The following GPR39 variants were observed in gnomAD, a reference collection of about 807,000 sequenced individuals.
GPR39 encodes G protein-coupled receptor 39, also known as zinc sensing receptor.
In GPR39, 23 loss-of-function variants were observed where a neutral mutation model predicts 18.4. The observed-to-expected ratio is 1.25, with a 90% CI of 0.90 to 1.77. GPR39 has a LOEUF of 1.77. Ranked by LOEUF, GPR39 falls within the 40% of genes most tolerant of loss-of-function variation. The pLI is 0.00. For missense variants in GPR39, 647 were observed against 602.4 expected (o/e 1.07, Z -0.78); for synonymous variants, 280 against 257.9 (o/e 1.09, Z -0.82).
At chr2:132,484,497 C>T (rs1681294467) in intron 1 of GPR39, among the ~76,000 whole-genome samples, 1 of 152,182 alleles carries the variant, frequency 6.6e-6, no homozygotes, top group Non-Finnish European at 1.5e-5. Context: ...TTAGTTCATA[C>T]AGCCCTGGGA....
chr2:132,571,475 C>T (rs946729087), intron 1 of GPR39, among the ~76,000 whole-genome samples: 1 of 152,082 alleles, frequency 6.6e-6, no homozygotes, highest in Non-Finnish European at 1.5e-5. Context: ...TCTCAAGGTC[C>T]TAGAATGAAG....
At chr2:132,544,410 A>C (rs1679907058) in intron 1 of GPR39, among the ~76,000 whole-genome samples, 1 of 152,232 alleles carries the variant, frequency 6.6e-6, no homozygotes, top group Non-Finnish European at 1.5e-5. Flanking sequence ...CTGATCAATC[A>C]GCCCAGGCCA....
intron 1 of GPR39, among the ~76,000 whole-genome samples, chr2:132,635,236 A>T (rs1002500685): frequency 6.6e-6 from 1 of 152,140 alleles, no homozygotes; most frequent in African/African-American, 2.4e-5. Flanking sequence ...CCTCACCTGG[A>T]ACTCTCTTTC....
At chr2:132,526,492 C>T (rs1437623371) in intron 1 of GPR39, among the ~76,000 whole-genome samples, 1 of 152,190 alleles carries the variant, frequency 6.6e-6, no homozygotes, top group Admixed American at 6.5e-5. Flanking sequence ...CTAGTGGGAT[C>T]TTTTACTTAA....
chr2:132,427,501 A>G (rs1411219082), intron 1 of GPR39, among the ~76,000 whole-genome samples: 1 of 150,336 alleles, frequency 6.7e-6, no homozygotes, highest in Non-Finnish European at 1.5e-5. Context: ...TATATATTAT[A>G]TATGTTATAT....
At chr2:132,600,234 G>A (rs1681015040) in intron 1 of GPR39, among the ~76,000 whole-genome samples, 1 of 152,206 alleles carries the variant, frequency 6.6e-6, no homozygotes, top group Non-Finnish European at 1.5e-5. Context: ...CAAAACCTAT[G>A]GGATACTGCA....
At chr2:132,454,165 G>A (rs1319205903) in intron 1 of GPR39, among the ~76,000 whole-genome samples, 3 of 152,100 alleles carry the variant, frequency 2.0e-5, no homozygotes, top group African/African-American at 7.2e-5. Context: ...GTTGAGCTGT[G>A]CTTTGTAGTT....
At chr2:132,444,695 A>G (rs1185773345) in intron 1 of GPR39, among the ~76,000 whole-genome samples, 1 of 152,228 alleles carries the variant, frequency 6.6e-6, no homozygotes, top group East Asian at 1.9e-4. Context: ...GCTAATGGCC[A>G]GGTAATTGTT....
intron 1 of GPR39, among the ~76,000 whole-genome samples, chr2:132,599,024 G>T (rs185664165): frequency 2.8e-4 from 43 of 152,234 alleles, no homozygotes; most frequent in African/African-American, 9.9e-4. Context: ...GGCAGGAAGG[G>T]GGTGGAGGTG....
intron 1 of GPR39, among the ~76,000 whole-genome samples, chr2:132,634,758 GC>G (rs1414979438): frequency 6.6e-6 from 1 of 152,144 alleles, no homozygotes; most frequent in African/African-American, 2.4e-5. Flanking sequence ...GAGGGGAAGG[GC>G]CCCCCTCAGG....
At chr2:132,457,335 C>T (rs1344962385) in intron 1 of GPR39, among the ~76,000 whole-genome samples, 1 of 152,186 alleles carries the variant, frequency 6.6e-6, no homozygotes, top group African/African-American at 2.4e-5. Flanking sequence ...TCCATCAGTT[C>T]ATTTAAGGTC....
At chr2:132,570,603 T>C (rs4606981) in intron 1 of GPR39, among the ~76,000 whole-genome samples, 51,154 of 152,006 alleles carry the variant, frequency 0.34, 9,999 homozygotes, top group African/African-American at 0.55. Flanking sequence ...ACAAGACACA[T>C]GAAAAGGACA....
chr2:132,438,027 CA>C (rs1680361912), intron 1 of GPR39, among the ~76,000 whole-genome samples: 1 of 152,118 alleles, frequency 6.6e-6, no homozygotes, highest in South Asian at 2.1e-4. Context: ...ACAGTATTGC[CA>C]AAAGTCTGGC....
intron 1 of GPR39, among the ~76,000 whole-genome samples, chr2:132,617,937 C>T (rs1016751992): frequency 1.3e-5 from 2 of 152,184 alleles, no homozygotes; most frequent in Non-Finnish European, 2.9e-5. Flanking sequence ...CAGAGGCCAG[C>T]TCCAAAAGTC....
chr2:132,475,305 T>C (rs58526087), intron 1 of GPR39, among the ~76,000 whole-genome samples: 36,685 of 150,820 alleles, frequency 0.24, 5,741 homozygotes, highest in East Asian at 0.79. Context: ...ATCTAGTATA[T>C]AGTCTACTAC....
chr2:132,602,525 A>G lies in GPR39; in HGVS notation c.857-42576A>G, dbSNP rs550187461. On this transcript the variant is annotated intron_variant, in intron 1 of 1. Coordinates refer to ENST00000329321, the MANE Select transcript of GPR39 (RefSeq NM_001508.3). ...GACTTCAAAAGCACAGACAACAAAA[A>G]ATAGGCAAATGGAACTATATCAAAC... Among the ~76,000 whole-genome samples, 3 of 152,272 alleles carry G rather than the reference A, an allele frequency of 2.0e-5. No homozygotes were observed. In the South Asian group the frequency reaches 6.2e-4, roughly 32 times the overall value.
At chr2:132,527,553 A>G (rs1235473616) in intron 1 of GPR39, among the ~76,000 whole-genome samples, 1 of 152,214 alleles carries the variant, frequency 6.6e-6, no homozygotes, top group Non-Finnish European at 1.5e-5. Context: ...TTACATTCCT[A>G]CCAACAGTAT....
At chr2:132,639,836 G>T (rs1681827147) in intron 1 of GPR39, among the ~76,000 whole-genome samples, 2 of 152,286 alleles carry the variant, frequency 1.3e-5, no homozygotes, top group South Asian at 4.1e-4. Flanking sequence ...CATAGGAAAG[G>T]TGTTGTATAG....
At chr2:132,610,537 G>A (rs1306301123) in intron 1 of GPR39, among the ~76,000 whole-genome samples, 1 of 152,082 alleles carries the variant, frequency 6.6e-6, no homozygotes, top group Non-Finnish European at 1.5e-5. Flanking sequence ...AGCACTTTGG[G>A]AAGCCGAGGT....
Sources: gnomAD v4.1 joint callset for allele counts (sites outside exome capture counted in the v4.1 genomes callset) on GRCh38, gnomAD v4.1.1 for gene constraint, MANE v1.5 for transcripts, NCBI Gene and HGNC (gene_info 2026-07-23, HGNC 2026-07-21) for gene names.